The following TMEM132C variants were observed in gnomAD, a reference collection of about 807,000 sequenced individuals.
The protein encoded by TMEM132C is protein phosphatase 1, regulatory subunit 152.
A neutral mutation model predicts 61.4 loss-of-function variants in TMEM132C; 29 were observed. That is an observed-to-expected ratio of 0.47 (90% CI 0.35 to 0.64). The LOEUF (loss-of-function observed/expected upper bound fraction) is 0.64, where lower values mean the gene tolerates loss of function less well. TMEM132C is among the 30% of genes least tolerant of loss of function. TMEM132C has a pLI of 0.00. For synonymous variants in TMEM132C, 656 were observed against 633.1 expected, an observed-to-expected ratio of 1.04 and a Z score of -0.54; for missense variants, 1,408 against 1,476.9, an observed-to-expected ratio of 0.95 and a Z score of 0.76.
intron 7 of TMEM132C, among the ~76,000 whole-genome samples, 166 bp from the exon 8 acceptor site, chr12:128,697,058 C>T (rs1044986602): frequency 3.9e-5 from 6 of 152,124 alleles, no homozygotes; most frequent in Middle Eastern, 3.2e-3. Context: ...TTGATTCTCA[C>T]GAAGGCATGG....
rs182466311 is a variant in TMEM132C, at chr12:128,698,130, A to T, written c.2121+715A>T. 2.6e-5 allele frequency among the ~76,000 whole-genome samples: 4 copies of T among 152,174 alleles called. No homozygotes were observed. The East Asian group carries it at 7.7e-4, about 29-fold the overall frequency. On this transcript the variant is annotated intron_variant, in intron 8 of 8. Coordinates refer to ENST00000435159, the MANE Select transcript of TMEM132C (RefSeq NM_001136103.3). ...CCCCAGTGACCATCACAGGGCCAGC[A>T]TATTGTAGGTGCTCAATAAATGTTG... is the stretch of plus-strand genomic sequence containing the variant.
chr12:128,547,583 A>AAG (rs150333719), intron 3 of TMEM132C, among the ~76,000 whole-genome samples: 1 of 151,372 alleles, frequency 6.6e-6, no homozygotes, highest in Non-Finnish European at 1.5e-5. Context: ...AAAAAAAAAA[A>AAG]GAAATATCTC....
chr12:128,392,025 C>T (rs12305740), intron 1 of TMEM132C, among the ~76,000 whole-genome samples: 9,622 of 151,748 alleles, frequency 0.063, 684 homozygotes, highest in East Asian at 0.22. Context: ...TTTGCAGTCT[C>T]CCCCACCCTC....
chr12:128,589,888 T>C (rs1199743065), intron 3 of TMEM132C, among the ~76,000 whole-genome samples: 1 of 152,198 alleles, frequency 6.6e-6, no homozygotes, highest in Non-Finnish European at 1.5e-5. Flanking sequence ...GAGTACTAAA[T>C]GGTCACTGCA....
At chr12:128,374,456 G>A (rs1012339710) in intron 1 of TMEM132C, among the ~76,000 whole-genome samples, 1 of 152,116 alleles carries the variant, frequency 6.6e-6, no homozygotes, top group Admixed American at 6.5e-5. Flanking sequence ...CGGGCACAGT[G>A]AGCACTCTGC....
At chr12:128,327,343 G>A (rs931505650) in intron 1 of TMEM132C, among the ~76,000 whole-genome samples, 4 of 148,612 alleles carry the variant, frequency 2.7e-5, no homozygotes, top group African/African-American at 1.1e-4. Context: ...TGTGCCCCAG[G>A]TGCCCGGGGC....
intron 3 of TMEM132C, among the ~76,000 whole-genome samples, chr12:128,603,989 G>A (rs1361387881): frequency 6.6e-6 from 1 of 152,206 alleles, no homozygotes; most frequent in Non-Finnish European, 1.5e-5. Flanking sequence ...GAATGGGGAA[G>A]TGTAGAGAGA....
intron 1 of TMEM132C, among the ~76,000 whole-genome samples, chr12:128,341,849 A>G (rs1872985529): frequency 6.6e-6 from 1 of 151,744 alleles, no homozygotes; most frequent in African/African-American, 2.4e-5. Context: ...GGAAAGAAAT[A>G]TCTTAACTAC....
At chr12:128,582,274 A>G (rs962553846) in intron 3 of TMEM132C, among the ~76,000 whole-genome samples, 20 of 152,374 alleles carry the variant, frequency 1.3e-4, no homozygotes, top group African/African-American at 3.8e-4. Context: ...AATTAAGGAA[A>G]TGCACATGAA....
chr12:128,478,928 AAAGTT>A (rs1234552814), intron 2 of TMEM132C, among the ~76,000 whole-genome samples: 1 of 152,212 alleles, frequency 6.6e-6, no homozygotes, highest in Non-Finnish European at 1.5e-5. Flanking sequence ...TTCATAATAA[AAAGTT>A]AAGAAGAGAG....
At chr12:128,544,874 A>G (rs537026313) in intron 3 of TMEM132C, among the ~76,000 whole-genome samples, 21 of 152,370 alleles carry the variant, frequency 1.4e-4, no homozygotes, top group Middle Eastern at 6.8e-3. Flanking sequence ...AACATTCTTA[A>G]TAGCTTTATA....
At chr12:128,346,564 T>C (rs556882088) in intron 1 of TMEM132C, among the ~76,000 whole-genome samples, 2 of 152,298 alleles carry the variant, frequency 1.3e-5, no homozygotes, top group South Asian at 4.1e-4. Flanking sequence ...ATTTGTGTCA[T>C]CTCTAATTTT....
At chr12:128,432,705 G>A (rs923977183) in intron 2 of TMEM132C, among the ~76,000 whole-genome samples, 2 of 152,196 alleles carry the variant, frequency 1.3e-5, no homozygotes, top group Non-Finnish European at 2.9e-5. Flanking sequence ...GAAGATACTG[G>A]AACATTGTCA....
chr12:128,549,351 C>T (rs938302087), intron 3 of TMEM132C, among the ~76,000 whole-genome samples: 1 of 152,176 alleles, frequency 6.6e-6, no homozygotes, highest in South Asian at 2.1e-4. Flanking sequence ...ACCACCCAGA[C>T]ATACGGGGTG....
At chr12:128,385,105 A>G (rs954591718) in intron 1 of TMEM132C, among the ~76,000 whole-genome samples, 2 of 152,224 alleles carry the variant, frequency 1.3e-5, no homozygotes, top group African/African-American at 4.8e-5. Context: ...TTTGGAATTT[A>G]CATGGGTCTG....
chr12:128,470,108 T>G lies in TMEM132C; in HGVS notation c.974+54488T>G, dbSNP rs572409833. On this transcript the variant is annotated intron_variant, in intron 2 of 8. Transcript: ENST00000435159. ...TATTTGAACACCACTGATTTGAAGT[T>G]TCCTGTTCCAAGTGGACCAGCTTCT... 2.2e-4 allele frequency among the ~76,000 whole-genome samples: 33 copies of G among 152,342 alleles called. 2 individuals carry two copies. The South Asian group carries it at 6.6e-3, about 31-fold the overall frequency.
chr12:128,589,272 G>A (rs1875662845), intron 3 of TMEM132C, among the ~76,000 whole-genome samples: 1 of 152,180 alleles, frequency 6.6e-6, no homozygotes, highest in South Asian at 2.1e-4. Context: ...CCCACAGCAA[G>A]CTATCCAGCA....
intron 3 of TMEM132C, among the ~76,000 whole-genome samples, chr12:128,615,377 T>C (rs993231215): frequency 1.3e-5 from 2 of 152,214 alleles, no homozygotes; most frequent in Non-Finnish European, 2.9e-5. Context: ...ATTGTAATGA[T>C]AATGAATAAT....
rs529425734 is a variant in TMEM132C, at chr12:128,654,544, T to C, written c.1306-14873T>C. On this transcript the variant is annotated intron_variant, in intron 4 of 8. Transcript: ENST00000435159. ...TACACATCAATTACTGTTATTATCA[T>C]GACTATGTATACAATAGTGCATTGC... Among the ~76,000 whole-genome samples the C allele has an allele frequency of 3.3e-4, 50 of 152,342 alleles. 2 individuals carry two copies. In the South Asian group the frequency reaches 0.01, roughly 32 times the overall value.
Sources: gnomAD v4.1 joint callset for allele counts (sites outside exome capture counted in the v4.1 genomes callset) on GRCh38, gnomAD v4.1.1 for gene constraint, MANE v1.5 for transcripts, NCBI Gene and HGNC (gene_info 2026-07-23, HGNC 2026-07-21) for gene names.